Variants in TPO observed in about 807,000 individuals in gnomAD.
The protein encoded by TPO is thyroid peroxidase, also known as thyroid microsomal antigen.
Under a neutral mutation model 96.9 loss-of-function variants are expected in TPO, and 78 were observed. The observed-to-expected ratio is 0.81, with a 90% CI of 0.67 to 0.97. The LOEUF is 0.97. TPO is among the 50% of genes least tolerant of loss of function. The pLI, the probability that TPO is intolerant of heterozygous loss-of-function variation, is 0.00. For missense variants in TPO, 1,252 were observed against 1,274.8 expected, an observed-to-expected ratio of 0.98 and a Z score of 0.27; for synonymous variants, 547 against 538.0, an observed-to-expected ratio of 1.02 and a Z score of -0.23.
chr2:1,537,388 C>G (rs1207980681), intron 15 of TPO, among the ~76,000 whole-genome samples: 1 of 133,584 alleles, frequency 7.5e-6, no homozygotes, highest in Admixed American at 8.0e-5. Flanking sequence ...GCAACTCCCT[C>G]AAATCCCCCC....
At chr2:1,407,561 T>G (rs1662265652) in intron 1 of TPO, among the ~76,000 whole-genome samples, 1 of 152,216 alleles carries the variant, frequency 6.6e-6, no homozygotes, top group South Asian at 2.1e-4. Context: ...CCCCTTTTCT[T>G]GTCTCTTAGC....
At position 1,487,880 on chromosome 2, in the gene TPO, G is replaced by A. The variant is rs377390255; in HGVS notation, c.1657G>A (p.Asp553Asn). The A allele has an allele frequency of 1.2e-5, 19 of 1,614,100 alleles. No homozygotes were observed. In the South Asian group the frequency reaches 1.9e-4, roughly 16 times the overall value. ...AAGACCAGCCAAACTGCAGGTGCAG[G>A]ATCAGCTGATGAACGAGGAGCTGAC... The part of the protein sequence containing the change: ...LARPAKLQVQ[D>N]QLMNEELTER... Residue 553 changes from aspartate (D) to asparagine (N), a missense_variant, in exon 10 of 17, where the codon GAT becomes AAT. Transcript: ENST00000329066.
intron 14 of TPO, among the ~76,000 whole-genome samples, chr2:1,506,310 T>A (rs1467810288): frequency 6.6e-6 from 1 of 150,842 alleles, no homozygotes; most frequent in African/African-American, 2.4e-5. Flanking sequence ...TGGTTCCAAG[T>A]CTTTGCTATT....
rs28915690 is a variant in TPO at position 1,543,015 on chromosome 2, T to C, written c.*541T>C. 2,256 of 206,860 alleles carry C rather than the reference T, an allele frequency of 0.011. 27 individuals carry two copies. Among genetic ancestry groups the C allele is most frequent in the East Asian group, 0.018 (142 of 8,036 alleles). The allele number at this position is 206,860 out of a possible 1,614,324, so 12.8% of individuals were successfully genotyped here. A position where few individuals can be genotyped will look rare whatever the true frequency, so the allele number is the denominator to read the frequency against. ...GACCAACAAGGCAAAGTGACTTGTC[T>C]CATCCTCCAGAGATTCACCAACACA... is the stretch of plus-strand genomic sequence containing the variant. On this transcript the variant is annotated 3_prime_UTR_variant, in exon 17 of 17. Coordinates refer to ENST00000329066, the MANE Select transcript of TPO (RefSeq NM_001206744.2).
At chr2:1,429,494 A>G (rs1664765964) in intron 3 of TPO, among the ~76,000 whole-genome samples, 2 of 152,186 alleles carry the variant, frequency 1.3e-5, no homozygotes, top group African/African-American at 4.8e-5. Context: ...GTGGCTTTGG[A>G]ACTGTGTAAT....
chr2:1,516,316 C>T (rs1243532066), intron 14 of TPO, among the ~76,000 whole-genome samples: 1 of 152,202 alleles, frequency 6.6e-6, no homozygotes, highest in Non-Finnish European at 1.5e-5. Flanking sequence ...AGGATGAGCT[C>T]CAAAATCTGC....
chr2:1,473,500 T>C (rs1669626464), intron 7 of TPO, among the ~76,000 whole-genome samples: 1 of 152,172 alleles, frequency 6.6e-6, no homozygotes, highest in African/African-American at 2.4e-5. Context: ...ACCATTCTTT[T>C]CCCTAGTTTA....
At position 1,388,938 on chromosome 2, in the gene TPO, C is replaced by T. The variant is rs971785189; in HGVS notation, n.180+14536C>T. The stretch of plus-strand genomic sequence containing the variant: ...ATTCTCTAAAGAAAATTTTAGGGTA[C>T]ACTTTTGCCCCAAATAAGTGAATAA... On this transcript the variant is annotated intron_variant and non_coding_transcript_variant, in intron 1 of 5. Coordinates refer to the TPO transcript ENST00000497517. Among the ~76,000 whole-genome samples the T allele has an allele frequency of 3.3e-5, 5 of 152,306 alleles. No homozygotes were observed. In the East Asian group the frequency reaches 7.7e-4, roughly 24 times the overall value.
chr2:1,487,970 G>T lies in TPO; in HGVS notation c.1747G>T (p.Gly583Cys), dbSNP rs1671335901. 3.1e-6 allele frequency: 5 copies of T among 1,613,628 alleles called. No individual in the cohort carries two copies. The highest frequency in any genetic ancestry group is 3.4e-6 in the Non-Finnish European group (4 of 1,180,032). Reference sequence around the variant, plus strand: ...TCTGGCGTCCATCAACCTGCAGAGGGGCCGGGACCACGGGCTGCCAGGTCT... The same window carrying T: ...TCTGGCGTCCATCAACCTGCAGAGGTGCCGGGACCACGGGCTGCCAGGTCT... ...LDLASINLQR[G>C]RDHGLPGYNE... The change falls in exon 10 of 17, where the codon GGC (glycine) becomes TGC (cysteine). Residue 583 changes from glycine (G) to cysteine (C), a missense_variant. By Grantham distance (159) the Gly-to-Cys change is radical. Coordinates refer to ENST00000329066, the MANE Select transcript of TPO (RefSeq NM_001206744.2).
At chr2:1,502,857 G>C (rs1356982732) in intron 13 of TPO, among the ~76,000 whole-genome samples, 1 of 152,202 alleles carries the variant, frequency 6.6e-6, no homozygotes, top group Non-Finnish European at 1.5e-5. Context: ...TTCTGTAACT[G>C]AGAAAACCAG....
intron 15 of TPO, among the ~76,000 whole-genome samples, chr2:1,526,383 C>G: frequency 1.2e-5 from 1 of 80,102 alleles, no homozygotes; most frequent in East Asian, 4.4e-4. Flanking sequence ...CCCCCAAATG[C>G]CCCCCAATGT....
At chr2:1,530,545 C>T (rs140153841) in intron 15 of TPO, among the ~76,000 whole-genome samples, 3 of 119,484 alleles carry the variant, frequency 2.5e-5, no homozygotes, top group African/African-American at 9.7e-5. Flanking sequence ...CCCCAAATCC[C>T]CCCCATTGTG....
Position 1,433,660 on chromosome 2 carries a change from C to T in TPO, c.349+53C>T, listed in dbSNP as rs1665259136. On this transcript the variant is annotated intron_variant, in intron 4 of 16. Transcript: ENST00000329066. ...GAGCGGCAACTCCCGAAGGAGGACACCTTGACTTTGTGCAGGGGCTGCTTG... is the reference window on the plus strand; with the variant it reads ...GAGCGGCAACTCCCGAAGGAGGACATCTTGACTTTGTGCAGGGGCTGCTTG... 43 of 1,586,284 alleles carry T rather than the reference C, an allele frequency of 2.7e-5. 2 individuals carry two copies. In the South Asian group the frequency reaches 4.2e-4, roughly 16 times the overall value.
At chr2:1,511,489 C>A (rs59918652) in intron 14 of TPO, among the ~76,000 whole-genome samples, 4 of 133,576 alleles carry the variant, frequency 3.0e-5, no homozygotes, top group East Asian at 2.8e-4. Context: ...TGCCACAGCG[C>A]AGCCCTGCAG....
Position 1,542,529 on chromosome 2 carries a change from G to A in TPO, c.*55G>A, listed in dbSNP as rs529769659. On this transcript the variant is annotated 3_prime_UTR_variant, in exon 17 of 17. Coordinates refer to ENST00000329066, the MANE Select transcript of TPO (RefSeq NM_001206744.2). ...CTTCATGTTCCCAAAATCACCGTAC[G>A]ACTCTTTTCCAAACACAGGCAAATC... The A allele has an allele frequency of 7.9e-5, 128 of 1,610,618 alleles. No homozygotes were observed. The highest frequency in any genetic ancestry group is 5.4e-4 in the Admixed American group (32 of 59,476).
chr2:1,462,735 C>A (rs1032121316), intron 7 of TPO, among the ~76,000 whole-genome samples: 1 of 152,180 alleles, frequency 6.6e-6, no homozygotes, highest in African/African-American at 2.4e-5. Flanking sequence ...TGAAATCAGG[C>A]CCATTCACAG....
At chr2:1,526,182 C>T (rs1573557212) in intron 15 of TPO, among the ~76,000 whole-genome samples, 1 of 116,912 alleles carries the variant, frequency 8.6e-6, no homozygotes, top group African/African-American at 3.4e-5. Context: ...TGTGCAACCT[C>T]CTCAAATCCC....
intron 5 of TPO, among the ~76,000 whole-genome samples, chr2:1,449,691 G>GA (rs28909393): frequency 0.067 from 10,170 of 152,092 alleles, 456 homozygotes; most frequent in Middle Eastern, 0.14. Context: ...TAGTCTTTAA[G>GA]AAAAAAAGAG....
intron 10 of TPO, among the ~76,000 whole-genome samples, chr2:1,492,280 G>A (rs1003631523): frequency 2.6e-5 from 4 of 152,088 alleles, no homozygotes; most frequent in East Asian, 3.9e-4. Context: ...CCAGCCTCCC[G>A]AGTAGCTGGG....
Sources: allele counts gnomAD v4.1 joint callset (sites outside exome capture counted in the v4.1 genomes callset), GRCh38; gene constraint gnomAD v4.1.1; transcripts MANE v1.5; gene names NCBI Gene and HGNC (gene_info 2026-07-23, HGNC 2026-07-21).